RUFY1: variants seen among roughly 807,000 people sequenced by gnomAD.
RUFY1 encodes RUN and FYVE domain containing 1, also known as RUN and FYVE domain-containing protein 1.
RUFY1 carries 54 observed loss-of-function variants against 94.6 expected under a neutral mutation model. The observed-to-expected ratio is 0.57, with a 90% CI of 0.46 to 0.72. The LOEUF is 0.72. Among genes scored for constraint, RUFY1 ranks in the 30% least tolerant of loss-of-function variants. The probability of loss-of-function intolerance (pLI) is 0.00; values close to 1 mark genes in which losing one functional copy is unlikely to be tolerated. For synonymous variants in RUFY1, 396 were observed against 347.3 expected (o/e 1.14, Z -1.56); for missense variants, 883 against 883.9 (o/e 1.00, Z 0.01).
At chr5:179,561,664 C>CT (rs1353887555) in intron 2 of RUFY1, among the ~76,000 whole-genome samples, 3 of 123,722 alleles carry the variant, frequency 2.4e-5, no homozygotes, top group Non-Finnish European at 5.2e-5. Context: ...TATAAGGCAA[C>CT]TGTTTTTTTC....
chr5:179,588,663 C>A (rs190907720), intron 8 of RUFY1, among the ~76,000 whole-genome samples: 39 of 152,256 alleles, frequency 2.6e-4, no homozygotes, highest in Non-Finnish European at 3.8e-4. Flanking sequence ...AGGAAAAAAG[C>A]CCATAACCCC....
In RUFY1 at chr5:179,593,729, G is replaced by A. The variant is rs905696418; in HGVS notation, c.1413+84G>A. The stretch of plus-strand genomic sequence containing the variant: ...GTCATTCTTCTTACAAAATGAGCGA[G>A]TAGACACATAGAGCCCCTCGTATGT... On this transcript the variant is annotated intron_variant, in intron 11 of 17. Transcript: ENST00000319449. 6.1e-5 allele frequency: 93 copies of A among 1,526,538 alleles called. 1 individual carries two copies. In the African/African-American group the frequency reaches 1.2e-3, roughly 19 times the overall value. 94.6% of individuals were successfully genotyped at this position (1,526,538 alleles called of 1,614,324 possible). A position where few individuals can be genotyped will look rare whatever the true frequency, so the allele number is the denominator to read the frequency against.
rs1762194160 is a variant in RUFY1 at position 179,558,046 on chromosome 5, C to G, written c.311-1979C>G. Among the ~76,000 whole-genome samples the G allele has an allele frequency of 2.6e-5, 4 of 152,252 alleles. No individual in the cohort carries two copies. In the South Asian group the frequency reaches 8.3e-4, roughly 32 times the overall value. ...CCTTAAAACATCTGGGCATACCTAG[C>G]TTTGGCAAGACTGCTGTATATGTAT... On this transcript the variant is annotated intron_variant, in intron 1 of 17. Coordinates refer to ENST00000319449, the MANE Select transcript of RUFY1 (RefSeq NM_025158.5).
chr5:179,561,789 TCTC>T (rs1762481572), intron 2 of RUFY1, among the ~76,000 whole-genome samples: 1 of 144,972 alleles, frequency 6.9e-6, no homozygotes, highest in Admixed American at 7.1e-5. Flanking sequence ...TTCACGCCAT[TCTC>T]CTGCCTCAGC....
intron 15 of RUFY1, among the ~76,000 whole-genome samples, chr5:179,605,497 G>A (rs1766973512): frequency 6.6e-6 from 1 of 152,194 alleles, no homozygotes; most frequent in African/African-American, 2.4e-5. Context: ...AGGCCGGGGA[G>A]AAGCCTGCAG....
chr5:179,609,448 C>T lies in RUFY1; in HGVS notation c.2056C>T (p.Pro686Ser). 1 of 1,612,838 alleles carries T rather than the reference C, an allele frequency of 6.2e-7. No homozygotes were observed. The highest frequency in any genetic ancestry group is 8.5e-7 in the Non-Finnish European group (1 of 1,179,806). Reference sequence around the variant, plus strand: ...CAACGAGCTGGCCCTGCCCTCCTACCCCAAGCCGGTGCGAGTGTGCGACAG... The same window carrying T: ...CAACGAGCTGGCCCTGCCCTCCTACTCCAAGCCGGTGCGAGTGTGCGACAG... ...SSNELALPSYPKPVRVCDSCH... is the reference protein window; with the variant it reads ...SSNELALPSYSKPVRVCDSCH... The change falls in exon 18 of 18, where the codon CCC becomes TCC. Residue 686 changes from proline to serine, a missense_variant. Physicochemically the swap from Pro to Ser is moderately conservative, Grantham distance 74. Transcript: ENST00000319449.
intron 13 of RUFY1, among the ~76,000 whole-genome samples, chr5:179,597,772 G>A (rs935542310): frequency 6.6e-6 from 1 of 152,236 alleles, no homozygotes; most frequent in East Asian, 1.9e-4. Flanking sequence ...GCAGACTCCA[G>A]GCGGTCCAGC....
chr5:179,586,080 A>T (rs1482593368), intron 8 of RUFY1, among the ~76,000 whole-genome samples: 1 of 152,074 alleles, frequency 6.6e-6, no homozygotes, highest in Non-Finnish European at 1.5e-5. Flanking sequence ...GTTCTAAGTG[A>T]CTTAGATTTT....
intron 1 of RUFY1, chr5:179,559,544 A>C (rs990389246): frequency 1.9e-5 from 8 of 430,970 alleles, no homozygotes; most frequent in Non-Finnish European, 2.5e-5. Flanking sequence ...TCCGGGACAG[A>C]GGGTGCAAAA....
intron 7 of RUFY1, among the ~76,000 whole-genome samples, chr5:179,581,966 T>A (rs1398435986): frequency 2.6e-5 from 4 of 152,158 alleles, no homozygotes; most frequent in Admixed American, 6.5e-5. Context: ...ATTACAGGCA[T>A]GAGCCACCAC....
intron 3 of RUFY1, among the ~76,000 whole-genome samples, chr5:179,564,420 G>GTTTTT (rs60186448): frequency 3.2e-5 from 4 of 123,660 alleles, no homozygotes; most frequent in African/African-American, 9.1e-5. Context: ...GTGCCTGGCT[G>GTTTTT]TTTTTTTTTT....
In RUFY1 at chr5:179,581,023, T is replaced by C; in HGVS notation, c.956+11T>C. On this transcript the variant is annotated intron_variant, in intron 7 of 17. Transcript: ENST00000319449. ...TAACCGGCACTTGAGGTAAGACTCCTTTTTTTTTCAATGTGACAGTTACAT... is the reference window on the plus strand; with the variant it reads ...TAACCGGCACTTGAGGTAAGACTCCCTTTTTTTTCAATGTGACAGTTACAT... 6.6e-7 allele frequency: 1 copy of C among 1,504,506 alleles called. No homozygotes were observed. Among genetic ancestry groups the C allele is most frequent in the Non-Finnish European group, 9.1e-7 (1 of 1,099,158 alleles). 93.2% of individuals were successfully genotyped at this position (1,504,506 alleles called of 1,614,324 possible).
intron 1 of RUFY1, among the ~76,000 whole-genome samples, chr5:179,559,019 G>A (rs1762247801): frequency 6.6e-6 from 1 of 152,208 alleles, no homozygotes; most frequent in South Asian, 2.1e-4. Context: ...TTTAACCTCA[G>A]TAGTAATTGG....
At position 179,593,727 on chromosome 5, in the gene RUFY1, G is replaced by GT. The variant is rs1562070656; in HGVS notation, c.1413+82_1413+83insT. ...GTGTCATTCTTCTTACAAAATGAGC[G>GT]AGTAGACACATAGAGCCCCTCGTAT... On this transcript the variant is annotated intron_variant, in intron 11 of 17. Coordinates refer to ENST00000319449, the MANE Select transcript of RUFY1 (RefSeq NM_025158.5). 3.8e-5 allele frequency: 58 copies of GT among 1,529,990 alleles called. No individual in the cohort carries two copies. In the East Asian group the frequency reaches 1.2e-3, roughly 33 times the overall value. 94.8% of individuals were successfully genotyped at this position (1,529,990 alleles called of 1,614,324 possible). A position where few individuals can be genotyped will look rare whatever the true frequency, so the allele number is the denominator to read the frequency against.
intron 16 of RUFY1, chr5:179,606,211 G>A (rs1007706129): frequency 2.4e-5 from 12 of 498,238 alleles, no homozygotes; most frequent in Admixed American, 3.6e-5. Context: ...AGCAGGTGGC[G>A]GAGAGGAGGG....
chr5:179,580,241 G>GTGTGTGTGTATATATATA (rs149099074), intron 6 of RUFY1, among the ~76,000 whole-genome samples: 5 of 93,886 alleles, frequency 5.3e-5, no homozygotes, highest in East Asian at 7.5e-4. Flanking sequence ...GTGTGTGTGT[G>GTGTGTGTGTATATATATA]TATATTTTTT....
intron 2 of RUFY1, among the ~76,000 whole-genome samples, chr5:179,561,742 G>A (rs1340971305): frequency 4.5e-5 from 6 of 131,896 alleles, no homozygotes; most frequent in Non-Finnish European, 7.8e-5. Context: ...GAGTGCAGTG[G>A]TGCAATCTCG....
At chr5:179,564,340 C>T (rs1280570721) in intron 3 of RUFY1, among the ~76,000 whole-genome samples, 1 of 151,230 alleles carries the variant, frequency 6.6e-6, no homozygotes, top group Non-Finnish European at 1.5e-5. Context: ...GGCTGGTCTC[C>T]AACTCCTGAC....
At chr5:179,591,199 T>G (rs1280386676) in intron 9 of RUFY1, among the ~76,000 whole-genome samples, 1 of 151,572 alleles carries the variant, frequency 6.6e-6, no homozygotes, top group African/African-American at 2.4e-5. Flanking sequence ...TTTTTTTTGG[T>G]GGGGGGATGG....
Sources: gnomAD v4.1 joint callset for allele counts (sites outside exome capture counted in the v4.1 genomes callset) on GRCh38, gnomAD v4.1.1 for gene constraint, MANE v1.5 for transcripts, NCBI Gene and HGNC (gene_info 2026-07-23, HGNC 2026-07-21) for gene names.